CHM: variants seen among roughly 807,000 people sequenced by gnomAD.
CHM encodes the protein rab proteins geranylgeranyltransferase component A 1.
In CHM, 10 loss-of-function variants were observed where a neutral mutation model predicts 49.0. The observed-to-expected ratio is 0.20, with a 90% CI of 0.13 to 0.35. The LOEUF (loss-of-function observed/expected upper bound fraction) is 0.35, where lower values mean the gene tolerates loss of function less well. Among genes scored for constraint, CHM ranks in the 10% least tolerant of loss-of-function variants. The pLI is 1.00. For missense variants in CHM, 455 were observed against 478.4 expected, an observed-to-expected ratio of 0.95 and a Z score of 0.46; for synonymous variants, 184 against 167.5, an observed-to-expected ratio of 1.10 and a Z score of -0.76.
intron 14 of CHM, among the ~76,000 whole-genome samples, chrX:85,866,332 C>T (rs73504261): frequency 0.036 from 4,001 of 112,393 alleles, 141 homozygotes; most frequent in African/African-American, 0.11. Context: ...CCAGCTTCCA[C>T]GTGATGTTGG....
At chrX:85,909,303 C>A (rs906331542) in intron 9 of CHM, among the ~76,000 whole-genome samples, 1 of 111,396 alleles carries the variant, frequency 9.0e-6, no homozygotes, top group Non-Finnish European at 1.9e-5. Context: ...GAATTAAGAC[C>A]TAGAGCCCCC....
chrX:85,922,206 T>C (rs1927832949), intron 8 of CHM, among the ~76,000 whole-genome samples: 3 of 112,418 alleles, frequency 2.7e-5, no homozygotes, highest in Admixed American at 9.4e-5. Context: ...GTAGTAGTAA[T>C]ATAAATGATA....
At position 85,873,902 on chromosome X, in the gene CHM, A is replaced by G. The variant is rs375954446; in HGVS notation, c.1610-690T>C. Among the ~76,000 whole-genome samples the G allele has an allele frequency of 2.7e-5, 3 of 111,831 alleles. No individual in the cohort carries two copies. The East Asian group carries it at 8.4e-4, about 31-fold the overall frequency. On this transcript the variant is annotated intron_variant, in intron 13 of 14. Coordinates refer to ENST00000357749, the MANE Select transcript of CHM (RefSeq NM_000390.4). ...TTATTGGATTAAAAAATTAATGACA[A>G]CCAACAAATATCAAAAATGAAGTCA...
intron 2 of CHM, among the ~76,000 whole-genome samples, chrX:85,991,378 A>G (rs764748813): frequency 1.8e-5 from 2 of 111,585 alleles, no homozygotes; most frequent in Non-Finnish European, 3.8e-5. Context: ...AATCCTGTCC[A>G]TTACAACCTA....
intron 8 of CHM, among the ~76,000 whole-genome samples, chrX:85,949,786 A>G (rs1929629875): frequency 9.3e-6 from 1 of 107,102 alleles, no homozygotes; most frequent in Non-Finnish European, 1.9e-5. Flanking sequence ...ACCTACTTCC[A>G]GTAGTAAACT....
chrX:86,019,948 A>T (rs1285527968), intron 2 of CHM, among the ~76,000 whole-genome samples: 3 of 107,322 alleles, frequency 2.8e-5, no homozygotes, highest in Non-Finnish European at 5.8e-5. Flanking sequence ...AGGTGACAGG[A>T]TATGCTGAAG....
chrX:86,008,400 A>G (rs12839917), intron 2 of CHM, among the ~76,000 whole-genome samples: 28,984 of 110,183 alleles, frequency 0.26, 3,439 homozygotes, highest in Admixed American at 0.38. Flanking sequence ...TAGAACTTAA[A>G]GTATAATAAA....
At chrX:85,901,004 G>C in intron 10 of CHM, 80 bp downstream of exon 10, 5 of 683,571 alleles carry the variant, frequency 7.3e-6, no homozygotes, top group Non-Finnish European at 1.1e-5. Context: ...GCATTTATTT[G>C]CATGTTACTT....
chrX:85,907,783 G>A (rs1165984588), intron 9 of CHM, among the ~76,000 whole-genome samples: 1 of 111,634 alleles, frequency 9.0e-6, no homozygotes, highest in African/African-American at 3.3e-5. Flanking sequence ...GCAAAGAAAA[G>A]CACAAAAAGG....
At chrX:85,978,321 T>C (rs1228798425) in intron 4 of CHM, among the ~76,000 whole-genome samples, 3 of 111,739 alleles carry the variant, frequency 2.7e-5, no homozygotes, top group African/African-American at 9.8e-5. Context: ...AAAGATGATA[T>C]AGTTGGAAGA....
intron 8 of CHM, among the ~76,000 whole-genome samples, chrX:85,951,480 G>T (rs940570602): frequency 2.7e-5 from 3 of 111,110 alleles, no homozygotes; most frequent in African/African-American, 9.8e-5. Flanking sequence ...AAAAAAGATT[G>T]CTCTATTTGA....
At chrX:85,982,751 A>G (rs1931698880) in intron 2 of CHM, among the ~76,000 whole-genome samples, 1 of 111,657 alleles carries the variant, frequency 9.0e-6, no homozygotes, top group Admixed American at 9.5e-5. Flanking sequence ...TTCCATTTTC[A>G]TTTTTGCTTC....
chrX:85,898,035 G>T (rs1000925469), intron 11 of CHM, among the ~76,000 whole-genome samples: 2 of 110,989 alleles, frequency 1.8e-5, no homozygotes, highest in African/African-American at 6.6e-5. Flanking sequence ...TAACAGACTG[G>T]GTGGGGGTAA....
intron 2 of CHM, among the ~76,000 whole-genome samples, chrX:86,004,828 C>A (rs954919545): frequency 1.3e-4 from 14 of 111,162 alleles, no homozygotes; most frequent in Non-Finnish European, 2.5e-4. Context: ...ACTTTAACAC[C>A]CCACTGTCAA....
At chrX:86,008,414 A>T (rs1359621767) in intron 2 of CHM, among the ~76,000 whole-genome samples, 1 of 111,500 alleles carries the variant, frequency 9.0e-6, no homozygotes, top group African/African-American at 3.3e-5. Flanking sequence ...TAATAAAAAA[A>T]ACTGCCATGA....
chrX:85,941,066 C>T (rs781581834), intron 8 of CHM, among the ~76,000 whole-genome samples: 1 of 111,394 alleles, frequency 9.0e-6, no homozygotes, highest in Non-Finnish European at 1.9e-5. Flanking sequence ...TCCACTATAC[C>T]TAGAAGAGTA....
intron 14 of CHM, among the ~76,000 whole-genome samples, chrX:85,871,137 C>A (rs1296049296): frequency 2.0e-4 from 21 of 105,415 alleles, no homozygotes; most frequent in African/African-American, 5.2e-4. Flanking sequence ...ATGGTGAAAC[C>A]CCGTCTCTAC....
At chrX:86,032,360 G>A (rs1172710650) in intron 1 of CHM, among the ~76,000 whole-genome samples, 3 of 111,528 alleles carry the variant, frequency 2.7e-5, no homozygotes, top group East Asian at 5.7e-4. Context: ...GGTGCAGGGA[G>A]AACAGGTACA....
rs1325735009 is a variant in CHM, at chrX:85,901,310, G to A, written c.1245-122C>T. 1.5e-5 allele frequency: 7 copies of A among 458,856 alleles called. No individual in the cohort carries two copies. The East Asian group carries it at 2.8e-4, about 18-fold the overall frequency. The allele number at this position is 458,856 out of a possible 1,213,427, so 37.8% of individuals were successfully genotyped here. On this transcript the variant is annotated intron_variant, in intron 9 of 14. Coordinates refer to ENST00000357749, the MANE Select transcript of CHM (RefSeq NM_000390.4). ...CACGTGAAGACAAGATTTAAAACTTGCCTACAATTCCATGTTTTCTGACAC... is the reference window on the plus strand; with the variant it reads ...CACGTGAAGACAAGATTTAAAACTTACCTACAATTCCATGTTTTCTGACAC...
Sources: gnomAD v4.1 joint callset for allele counts (sites outside exome capture counted in the v4.1 genomes callset) on GRCh38, gnomAD v4.1.1 for gene constraint, MANE v1.5 for transcripts, NCBI Gene and HGNC (gene_info 2026-07-23, HGNC 2026-07-21) for gene names.